Variants in PCDHGB5 observed in about 807,000 individuals in gnomAD.
PCDHGB5 encodes the protein protocadherin gamma subfamily B, 5, also known as protocadherin gamma-B5.
In PCDHGB5, 48 loss-of-function variants were observed where a neutral mutation model predicts 62.9. The observed-to-expected ratio is 0.76, with a 90% CI of 0.61 to 0.97. The LOEUF is 0.97. Ranked by LOEUF, PCDHGB5 falls within the 50% of genes least tolerant of loss-of-function variation. The pLI is 0.00. For synonymous variants in PCDHGB5, 474 were observed against 511.2 expected, an observed-to-expected ratio of 0.93 and a Z score of 0.98; for missense variants, 1,118 against 1,198.6, an observed-to-expected ratio of 0.93 and a Z score of 0.99.
chr5:141,406,877 A>T (rs4912750), intron 1 of PCDHGB5, among the ~76,000 whole-genome samples: 9,155 of 152,322 alleles, frequency 0.06, 381 homozygotes, highest in Non-Finnish European at 0.089. Flanking sequence ...ACTGCTGGGA[A>T]GATTCTAAAA....
At chr5:141,453,481 T>TA (rs1178324090) in intron 1 of PCDHGB5, among the ~76,000 whole-genome samples, 1 of 151,928 alleles carries the variant, frequency 6.6e-6, no homozygotes, top group African/African-American at 2.4e-5. Context: ...TCAAAACTAT[T>TA]AAAAAAAGGT....
chr5:141,465,689 C>A (rs2099107540), intron 1 of PCDHGB5, among the ~76,000 whole-genome samples: 1 of 152,162 alleles, frequency 6.6e-6, no homozygotes, highest in African/African-American at 2.4e-5. Context: ...GACCAGTCTG[C>A]TTTTGCATTG....
At chr5:141,506,923 C>T (rs1414595306) in intron 3 of PCDHGB5, among the ~76,000 whole-genome samples, 4 of 152,184 alleles carry the variant, frequency 2.6e-5, no homozygotes, top group African/African-American at 9.7e-5. Context: ...ACATACTAAA[C>T]AAACTTTAGG....
rs148331367 is a variant in PCDHGB5 at position 141,435,055 on chromosome 5, A to C, written c.2397+34531A>C. ...TTTATTTTTTTCCCATTGACCATGC[A>C]GCAGTTTTGTGTAGACCGTCTGATA... On this transcript the variant is annotated intron_variant, in intron 1 of 3. Transcript: ENST00000617380. Among the ~76,000 whole-genome samples, 21 of 152,242 alleles carry C rather than the reference A, an allele frequency of 1.4e-4. No individual in the cohort carries two copies. The East Asian group carries it at 4.0e-3, about 29-fold the overall frequency.
Position 141,491,364 on chromosome 5 carries a change from C to T in PCDHGB5, c.2398-3443C>T. 1 of 1,614,164 alleles carries T rather than the reference C, an allele frequency of 6.2e-7. No homozygotes were observed. The highest frequency in any genetic ancestry group is 8.5e-7 in the Non-Finnish European group (1 of 1,180,000). On this transcript the variant is annotated intron_variant, in intron 1 of 3. Coordinates refer to ENST00000617380, the MANE Select transcript of PCDHGB5 (RefSeq NM_018925.3). This position sits in a 1 kb window ranked among gnomAD's most constrained non-coding sequence, Gnocchi z 6.9. The stretch of plus-strand genomic sequence containing the variant: ...CCGTCAGTCTCTTATCCCTAGTCAC[C>T]TTCACCTTTCTGTCAGCGAAGTGCC...
chr5:141,422,807 G>C (rs199507728), intron 1 of PCDHGB5: 7 of 1,614,198 alleles, frequency 4.3e-6, no homozygotes, highest in Non-Finnish European at 5.9e-6. Context: ...GAGCAGTTTC[G>C]AGACTTAGAA....
chr5:141,465,979 G>A (rs779605313), intron 1 of PCDHGB5, among the ~76,000 whole-genome samples: 9 of 151,846 alleles, frequency 5.9e-5, no homozygotes, highest in Non-Finnish European at 1.3e-4. Flanking sequence ...AAAATTAGCC[G>A]GGCATGGTGG....
chr5:141,458,409 G>C (rs188300064), intron 1 of PCDHGB5, among the ~76,000 whole-genome samples: 1 of 152,244 alleles, frequency 6.6e-6, no homozygotes, highest in African/African-American at 2.4e-5. Context: ...GAGACGGAGC[G>C]GGGGTTCCAA....
At chr5:141,413,708 C>G in intron 1 of PCDHGB5, 1 of 1,613,664 alleles carries the variant, frequency 6.2e-7, no homozygotes, top group African/African-American at 1.3e-5. Flanking sequence ...CAGCTCAGCC[C>G]CAATAAGCAC....
At chr5:141,414,639 T>A in intron 1 of PCDHGB5, 1 of 1,613,966 alleles carries the variant, frequency 6.2e-7, no homozygotes, top group South Asian at 1.1e-5. Context: ...GCAAAGAGAA[T>A]GCCCAGATTA....
At chr5:141,469,468 G>A (rs62379200) in intron 1 of PCDHGB5, among the ~76,000 whole-genome samples, 32,669 of 151,998 alleles carry the variant, frequency 0.21, 3,638 homozygotes, top group African/African-American at 0.27. Context: ...TCAGCTACTC[G>A]GGAGGCTGAG....
intron 1 of PCDHGB5, among the ~76,000 whole-genome samples, chr5:141,406,833 A>G (rs776807611): frequency 3.9e-5 from 6 of 152,238 alleles, no homozygotes; most frequent in Non-Finnish European, 4.4e-5. Flanking sequence ...ATGAACTTGC[A>G]TATCAGATAT....
intron 1 of PCDHGB5, among the ~76,000 whole-genome samples, chr5:141,406,193 C>T (rs2094777569): frequency 1.3e-5 from 2 of 151,820 alleles, no homozygotes. Flanking sequence ...CCACCTCAGC[C>T]TTCACAGTAG....
At chr5:141,408,838 G>A in intron 1 of PCDHGB5, 1 of 1,613,588 alleles carries the variant, frequency 6.2e-7, no homozygotes, top group African/African-American at 1.3e-5. Flanking sequence ...GCTTGATATT[G>A]ACTGCCTTGG....
chr5:141,399,183 T>A lies in PCDHGB5; in HGVS notation c.1056T>A (p.Ile352=), dbSNP rs777520935. 2.5e-6 allele frequency: 4 copies of A among 1,613,764 alleles called. No homozygotes were observed. The highest frequency in any genetic ancestry group is 3.4e-6 in the Non-Finnish European group (4 of 1,179,836). ...EVTFHSLLEM[I]LENAVPGTLI... is the part of the protein sequence containing the mutation. ...CATTCCATTCTCTACTTGAAATGAT[T>A]CTGGAAAACGCGGTGCCTGGAACAC... Residue 352 remains isoleucine (I), a synonymous_variant, in exon 1 of 4, where the codon ATT becomes ATA. Transcript: ENST00000617380.
chr5:141,418,941 C>T, intron 1 of PCDHGB5: 1 of 1,614,034 alleles, frequency 6.2e-7, no homozygotes, highest in Non-Finnish European at 8.5e-7. Context: ...GAGGATTCCC[C>T]TCCAGGAGTG....
Position 141,458,000 on chromosome 5 carries a change from A to G in PCDHGB5, c.2398-36807A>G, listed in dbSNP as rs1047291886. ...CACCCTTTCAGTTAAAGCCTTGGCA[A>G]AATAACCGGTTTTTCCAATTGTGTT... On this transcript the variant is annotated intron_variant, in intron 1 of 3. Coordinates refer to ENST00000617380, the MANE Select transcript of PCDHGB5 (RefSeq NM_018925.3). Among the ~76,000 whole-genome samples, 4 of 152,214 alleles carry G rather than the reference A, an allele frequency of 2.6e-5. No homozygotes were observed. In the East Asian group the frequency reaches 5.8e-4, roughly 22 times the overall value.
intron 1 of PCDHGB5, chr5:141,419,732 G>A (rs2096422854): frequency 6.2e-7 from 1 of 1,613,792 alleles, no homozygotes; most frequent in Non-Finnish European, 8.5e-7. Flanking sequence ...GCGAACAGGC[G>A]AGGTGCGCAT....
chr5:141,403,547 G>T (rs940508173), intron 1 of PCDHGB5: 8 of 1,613,888 alleles, frequency 5.0e-6, no homozygotes, highest in African/African-American at 1.3e-5. Flanking sequence ...GCTGGAGCGC[G>T]CCCTGGACAG....
Sources: gnomAD v4.1 joint callset for allele counts (sites outside exome capture counted in the v4.1 genomes callset) on GRCh38, gnomAD v4.1.1 for gene constraint, Gnocchi (gnomAD v3.1) non-coding constraint, MANE v1.5 for transcripts, NCBI Gene and HGNC (gene_info 2026-07-23, HGNC 2026-07-21) for gene names.